ROR1: variants seen among roughly 807,000 people sequenced by gnomAD.
ROR1 encodes inactive tyrosine-protein kinase transmembrane receptor ROR1.
ROR1 carries 19 observed loss-of-function variants against 78.8 expected under a neutral mutation model. The ratio of observed to expected loss-of-function variants is 0.24; its 90% CI spans 0.17 to 0.35. ROR1 has a LOEUF of 0.35. Among genes scored for constraint, ROR1 ranks in the 10% least tolerant of loss-of-function variants. The pLI is 1.00. For synonymous variants in ROR1, 386 were observed against 433.6 expected, an observed-to-expected ratio of 0.89 and a Z score of 1.36; for missense variants, 917 against 1,177.8, an observed-to-expected ratio of 0.78 and a Z score of 3.24.
chr1:63,920,379 G>A (rs921956533), intron 1 of ROR1, among the ~76,000 whole-genome samples: 3 of 152,192 alleles, frequency 2.0e-5, no homozygotes, highest in Non-Finnish European at 1.5e-5. Context: ...GCGTCTCATA[G>A]GTATGGTTTA....
intron 3 of ROR1, among the ~76,000 whole-genome samples, chr1:64,050,212 C>A (rs1299606281): frequency 6.6e-6 from 1 of 152,226 alleles, no homozygotes; most frequent in African/African-American, 2.4e-5. Flanking sequence ...AGGTCCGGAT[C>A]TTTCTGACCT....
intron 4 of ROR1, among the ~76,000 whole-genome samples, chr1:64,051,455 T>TAAAAAAAA (rs369511325): frequency 2.6e-5 from 1 of 39,194 alleles, no homozygotes; most frequent in African/African-American, 5.1e-5. Context: ...GTCTCAAAAA[T>TAAAAAAAA]AAAAAATAAA....
chr1:63,857,876 T>C (rs1259999431), intron 1 of ROR1, among the ~76,000 whole-genome samples: 1 of 152,246 alleles, frequency 6.6e-6, no homozygotes, highest in Non-Finnish European at 1.5e-5. Flanking sequence ...GTTGGCATGA[T>C]GGAAATGGCT....
chr1:63,892,019 C>G (rs1343886797), intron 1 of ROR1, among the ~76,000 whole-genome samples: 1 of 152,126 alleles, frequency 6.6e-6, no homozygotes, highest in Non-Finnish European at 1.5e-5. Context: ...TTCAGCAAGT[C>G]AAAGGAGGAA....
chr1:63,857,380 T>C (rs1645155723), intron 1 of ROR1, among the ~76,000 whole-genome samples: 1 of 152,174 alleles, frequency 6.6e-6, no homozygotes, highest in African/African-American at 2.4e-5. Context: ...AATAGCCATA[T>C]TCTATAAACA....
chr1:63,844,678 C>T (rs995465615), intron 1 of ROR1, among the ~76,000 whole-genome samples: 6 of 152,116 alleles, frequency 3.9e-5, no homozygotes, highest in African/African-American at 1.2e-4. Flanking sequence ...GAATTAGGCC[C>T]TATAGGAGTC....
chr1:64,092,768 A>G (rs1386992066), intron 4 of ROR1, among the ~76,000 whole-genome samples: 1 of 152,224 alleles, frequency 6.6e-6, no homozygotes, highest in Non-Finnish European at 1.5e-5. Flanking sequence ...CCTTTACAGA[A>G]ATAATGGAGC....
At chr1:63,917,927 G>A (rs891728275) in intron 1 of ROR1, among the ~76,000 whole-genome samples, 5 of 152,198 alleles carry the variant, frequency 3.3e-5, no homozygotes, top group Non-Finnish European at 5.9e-5. Flanking sequence ...GAAGGCAGTA[G>A]GGTGGTGGCT....
chr1:63,795,108 G>T (rs1225063124), intron 1 of ROR1, among the ~76,000 whole-genome samples: 1 of 152,180 alleles, frequency 6.6e-6, no homozygotes, highest in Non-Finnish European at 1.5e-5. Context: ...TGGGAGGGCA[G>T]GTTCAGGAAG....
In ROR1 at chr1:64,142,587, G is replaced by C. The variant is rs1475008060; in HGVS notation, c.1111G>C (p.Ala371Pro). The change falls in exon 7 of 9, where the codon GCT (alanine) becomes CCT (proline). Residue 371 changes from alanine (A) to proline (P), a missense_variant. Ala to Pro is a conservative substitution (Grantham distance 27). Transcript: ENST00000371079. The stretch of plus-strand genomic sequence containing the variant: ...CCGCAACCCAGGGAATCAAAAGGAA[G>C]CTCCCTGGTGCTTCACCTTGGATGA... ...YCRNPGNQKEAPWCFTLDENF... is the reference protein window; with the variant it reads ...YCRNPGNQKEPPWCFTLDENF... 6.2e-7 allele frequency: 1 copy of C among 1,614,168 alleles called. No homozygotes were observed. Among genetic ancestry groups the C allele is most frequent in the Admixed American group, 1.7e-5 (1 of 60,022 alleles).
chr1:64,090,633 G>A (rs1445237569), intron 4 of ROR1, among the ~76,000 whole-genome samples: 1 of 152,148 alleles, frequency 6.6e-6, no homozygotes, highest in East Asian at 1.9e-4. Flanking sequence ...ACTAGAATCT[G>A]GATTTTGTTT....
At chr1:64,093,374 A>G (rs968878783) in intron 4 of ROR1, among the ~76,000 whole-genome samples, 13 of 152,170 alleles carry the variant, frequency 8.5e-5, no homozygotes, top group African/African-American at 3.1e-4. Context: ...CATGTTTTAG[A>G]GCAAGAAAGA....
Position 64,142,465 on chromosome 1 carries a change from C to T in ROR1, c.989C>T (p.Ser330Leu), listed in dbSNP as rs1456472965. 2 of 1,614,034 alleles carry T rather than the reference C, an allele frequency of 1.2e-6. No individual in the cohort carries two copies. Among genetic ancestry groups the T allele is most frequent in the Non-Finnish European group, 1.7e-6 (2 of 1,180,014 alleles). ...CGGGGGACCGTCAGTGTGACCAAAT[C>T]AGGGCGCCAGTGCCAGCCATGGAAT... ...DYRGTVSVTK[S>L]GRQCQPWNSQ... Residue 330 changes from serine (S) to leucine (L), a missense_variant, in exon 7 of 9, where the codon TCA becomes TTA. Ser to Leu is a moderately radical substitution (Grantham distance 145). This residue lies in a region of ROR1 where 835 missense variants were observed against 1,069.8 expected (regional missense o/e 0.78). Transcript: ENST00000371079.
intron 1 of ROR1, among the ~76,000 whole-genome samples, chr1:63,802,724 A>G (rs770601813): frequency 6.6e-6 from 1 of 152,238 alleles, no homozygotes; most frequent in Non-Finnish European, 1.5e-5. Context: ...ATCATAGGGC[A>G]TATCAGTAAT....
chr1:63,799,620 A>G (rs1003773361), intron 1 of ROR1, among the ~76,000 whole-genome samples: 1 of 149,500 alleles, frequency 6.7e-6, no homozygotes, highest in Admixed American at 6.6e-5. Context: ...AAGAGGAAAA[A>G]AAACACCCAT....
chr1:64,061,797 A>G (rs1034723301), intron 4 of ROR1, among the ~76,000 whole-genome samples: 22 of 152,252 alleles, frequency 1.4e-4, no homozygotes, highest in African/African-American at 5.3e-4. Context: ...AATGTCTTTT[A>G]TGATTTTTTT....
intron 1 of ROR1, among the ~76,000 whole-genome samples, chr1:63,852,476 G>A (rs923387499): frequency 6.6e-6 from 1 of 152,110 alleles, no homozygotes; most frequent in African/African-American, 2.4e-5. Flanking sequence ...TCCCCTCTTC[G>A]GTCTGTCATC....
intron 1 of ROR1, among the ~76,000 whole-genome samples, chr1:63,899,446 A>G (rs890675030): frequency 3.3e-5 from 5 of 152,100 alleles, no homozygotes; most frequent in African/African-American, 9.7e-5. Context: ...CATACTTTGT[A>G]GCAATTCTTC....
chr1:63,972,287 C>T (rs535777297), intron 1 of ROR1, among the ~76,000 whole-genome samples: 4 of 152,238 alleles, frequency 2.6e-5, no homozygotes, highest in African/African-American at 9.6e-5. Context: ...CTCACTTTTC[C>T]GATGAGGAAC....
Sources: gnomAD v4.1 joint callset for allele counts (sites outside exome capture counted in the v4.1 genomes callset) on GRCh38, gnomAD v4.1.1 for gene constraint, gnomAD v4.1.1 regional missense constraint, MANE v1.5 for transcripts, NCBI Gene and HGNC (gene_info 2026-07-23, HGNC 2026-07-21) for gene names.